Variants in NEBL observed in about 807,000 individuals in gnomAD.
The protein encoded by NEBL is nebulette, also known as LIM and SH3 protein 2.
In NEBL, 122 loss-of-function variants were observed where a neutral mutation model predicts 140.2. The ratio of observed to expected loss-of-function variants is 0.87; its 90% CI spans 0.75 to 1.01. The LOEUF (loss-of-function observed/expected upper bound fraction) is 1.01, where lower values mean the gene tolerates loss of function less well. Among genes scored for constraint, NEBL ranks in the 50% least tolerant of loss-of-function variants. The pLI is 0.00. For missense variants in NEBL, 1,365 were observed against 1,231.3 expected (o/e 1.11, Z -1.62); for synonymous variants, 436 against 398.9 (o/e 1.09, Z -1.11).
chr10:20,809,517 T>C (rs1236674191), intron 25 of NEBL, among the ~76,000 whole-genome samples: 1 of 152,222 alleles, frequency 6.6e-6, no homozygotes, highest in Non-Finnish European at 1.5e-5. Context: ...CTCAGCACTT[T>C]AGTGCAATCC....
At chr10:21,268,434 G>A (rs1391735741) in intron 1 of NEBL, among the ~76,000 whole-genome samples, 1 of 152,110 alleles carries the variant, frequency 6.6e-6, no homozygotes, top group African/African-American at 2.4e-5. Flanking sequence ...AGAGAGCTGT[G>A]TTCATGCCAC....
chr10:21,251,213 G>C (rs1842583930), intron 2 of NEBL, among the ~76,000 whole-genome samples: 1 of 152,152 alleles, frequency 6.6e-6, no homozygotes, highest in Admixed American at 6.6e-5. Flanking sequence ...CAGGTACACA[G>C]TGATGTGGCC....
intron 2 of NEBL, among the ~76,000 whole-genome samples, chr10:21,122,002 G>GGTTGTTGTTGTTGTTGTTGTT (rs147160117): frequency 3.3e-5 from 5 of 149,434 alleles, no homozygotes; most frequent in Non-Finnish European, 7.4e-5. Context: ...GATTTCTCCT[G>GGTTGTTGTTGTTGTTGTTGTT]GTTGTTGTTG....
At position 20,831,546 on chromosome 10, in the gene NEBL, C is replaced by G. The variant is rs1172397843; in HGVS notation, c.1487G>C (p.Gly496Ala). The change falls in exon 15 of 28, where the codon GGG becomes GCG. Residue 496 changes from glycine (G) to alanine (A), a missense_variant. Coordinates refer to ENST00000377122, the MANE Select transcript of NEBL (RefSeq NM_006393.3). ...YKRDLETEIK[G>A]KGMQVSTDTL... is the part of the protein sequence containing the mutation. ...GTCTGTGCTCACCTGCATCCCTTTC[C>G]CTTTAATTTCAGTCTCCAGATCTCT... The G allele has an allele frequency of 6.2e-7, 1 of 1,612,010 alleles. No homozygotes were observed. The highest frequency in any genetic ancestry group is 2.2e-5 in the East Asian group (1 of 44,836).
chr10:20,911,137 C>G (rs1350200655), intron 4 of NEBL, among the ~76,000 whole-genome samples: 2 of 151,942 alleles, frequency 1.3e-5, no homozygotes, highest in Non-Finnish European at 2.9e-5. Context: ...GCACTCCAGC[C>G]TGGGCAACAA....
chr10:21,067,058 C>T (rs1001512462), intron 2 of NEBL, among the ~76,000 whole-genome samples: 23 of 140,536 alleles, frequency 1.6e-4, no homozygotes, highest in African/African-American at 4.4e-4. Context: ...CTGAAAGCTC[C>T]GCCTCCCGGG....
chr10:21,104,516 T>C (rs999318478), intron 2 of NEBL, among the ~76,000 whole-genome samples: 26 of 152,214 alleles, frequency 1.7e-4, no homozygotes, highest in African/African-American at 6.0e-4. Context: ...TGTTTTCAGT[T>C]TCAAGTTCTA....
At chr10:20,920,885 A>C (rs1003860968) in intron 4 of NEBL, among the ~76,000 whole-genome samples, 2 of 152,208 alleles carry the variant, frequency 1.3e-5, no homozygotes, top group Admixed American at 6.5e-5. Context: ...TTATACACAC[A>C]CATTTTATAA....
chr10:21,139,420 C>A (rs1041871908), intron 2 of NEBL, among the ~76,000 whole-genome samples: 1 of 152,126 alleles, frequency 6.6e-6, no homozygotes, highest in Admixed American at 6.5e-5. Context: ...GGATACCCTA[C>A]GTCCACTCAA....
At chr10:21,115,912 A>T (rs1838263579) in intron 2 of NEBL, among the ~76,000 whole-genome samples, 2 of 151,998 alleles carry the variant, frequency 1.3e-5, no homozygotes, top group South Asian at 2.1e-4. Flanking sequence ...CTACGGTCCC[A>T]CTACTCACTG....
chr10:21,093,004 C>A (rs524176), intron 2 of NEBL, among the ~76,000 whole-genome samples: 132,209 of 152,134 alleles, frequency 0.87, 57,661 homozygotes, highest in Middle Eastern at 0.92. Context: ...GATGTGGGAA[C>A]AGTTTATGAC....
intron 2 of NEBL, among the ~76,000 whole-genome samples, chr10:21,138,823 A>G (rs973703757): frequency 3.0e-5 from 3 of 98,996 alleles, no homozygotes; most frequent in African/African-American, 1.1e-4. Context: ...TAAACTATTT[A>G]AAAAAAAAAA....
At chr10:21,233,251 T>C (rs923900294) in intron 3 of NEBL, among the ~76,000 whole-genome samples, 2 of 152,166 alleles carry the variant, frequency 1.3e-5, no homozygotes, top group African/African-American at 2.4e-5. Flanking sequence ...TTTCATCATG[T>C]TGCCCAGGTT....
At chr10:20,885,685 C>T (rs187727672) in intron 4 of NEBL, among the ~76,000 whole-genome samples, 1 of 152,276 alleles carries the variant, frequency 6.6e-6, no homozygotes, top group East Asian at 1.9e-4. Flanking sequence ...AGTTACCTTC[C>T]CAAGGAAGTA....
intron 2 of NEBL, among the ~76,000 whole-genome samples, chr10:21,139,987 CA>C (rs11289396): frequency 0.38 from 38,420 of 99,794 alleles, 4,974 homozygotes; most frequent in South Asian, 0.42. Flanking sequence ...CCTGTCTCAA[CA>C]AAAAAAAAAA....
intron 2 of NEBL, chr10:21,113,057 G>A (rs1330588595): frequency 1.4e-5 from 3 of 219,124 alleles, no homozygotes; most frequent in African/African-American, 7.2e-5. Flanking sequence ...GGAGCAGGAG[G>A]AGGAAGAGGA....
chr10:20,826,578 C>G, intron 17 of NEBL, 39 bp from the exon 18 acceptor site: 9 of 1,491,128 alleles, frequency 6.0e-6, no homozygotes, highest in Non-Finnish European at 8.4e-6. Context: ...CTAAGCTTGT[C>G]AGAATTCAAG....
chr10:20,888,194 C>A lies in NEBL; in HGVS notation c.272G>T (p.Gly91Val), dbSNP rs768721125. ...GAFISEAKYK[G>V]TIKADLSNSL... The stretch of plus-strand genomic sequence containing the variant: ...ATTAGAAAGGTCAGCTTTAATGGTG[C>A]CTTTGTATTTTGCCTGGGGGAAAAA... Residue 91 changes from glycine to valine, a missense_variant, in exon 4 of 28, where the codon GGC becomes GTC. By Grantham distance (109) the Gly-to-Val change is moderately radical. This residue lies in a region of NEBL where 1,323 missense variants were observed against 1,154.8 expected (regional missense o/e 1.15). Transcript: ENST00000377122. 1.9e-6 allele frequency: 3 copies of A among 1,607,574 alleles called. No individual in the cohort carries two copies. The highest frequency in any genetic ancestry group is 2.2e-5 in the East Asian group (1 of 44,802).
intron 7 of NEBL, among the ~76,000 whole-genome samples, chr10:20,861,050 GA>G (rs1307814427): frequency 6.6e-6 from 1 of 150,904 alleles, no homozygotes; most frequent in Non-Finnish European, 1.5e-5. Context: ...TTTAAAAAAA[GA>G]AAAACTGACT....
Sources: allele counts gnomAD v4.1 joint callset (sites outside exome capture counted in the v4.1 genomes callset), GRCh38; gene constraint gnomAD v4.1.1; regional missense constraint gnomAD v4.1.1; transcripts MANE v1.5; gene names NCBI Gene and HGNC (gene_info 2026-07-23, HGNC 2026-07-21).